Variants in SPATS2L observed in about 807,000 individuals in gnomAD.
The protein encoded by SPATS2L is spermatogenesis associated serine rich 2 like.
Under a neutral mutation model 59.6 loss-of-function variants are expected in SPATS2L, and 30 were observed. The ratio of observed to expected loss-of-function variants is 0.50; its 90% confidence interval spans 0.38 to 0.68. The LOEUF (loss-of-function observed/expected upper bound fraction) is 0.68, where lower values mean the gene tolerates loss of function less well. Ranked by LOEUF, SPATS2L falls within the 30% of genes least tolerant of loss-of-function variation. The probability of loss-of-function intolerance (pLI) is 0.00; values close to 1 mark genes in which losing one functional copy is unlikely to be tolerated. For missense variants in SPATS2L, 615 were observed against 700.0 expected (o/e 0.88, Z 1.37); for synonymous variants, 252 against 263.5 (o/e 0.96, Z 0.42).
Position 200,478,139 on chromosome 2 carries a change from G to C in SPATS2L, c.*108G>C, listed in dbSNP as rs2087682612. ...AATCAGAATATACAAATCCCGTATGGTTGTGTCATCCTCTCTTAATCATTT... is the reference window on the plus strand; with the variant it reads ...AATCAGAATATACAAATCCCGTATGCTTGTGTCATCCTCTCTTAATCATTT... On this transcript the variant is annotated 3_prime_UTR_variant, in exon 13 of 13. Transcript: ENST00000409140. 9.5e-7 allele frequency: 1 copy of C among 1,052,210 alleles called. No homozygotes were observed. The highest frequency in any genetic ancestry group is 1.3e-6 in the Non-Finnish European group (1 of 756,956). The allele number at this position is 1,052,210 out of a possible 1,614,324, so 65.2% of individuals were successfully genotyped here.
intron 9 of SPATS2L, among the ~76,000 whole-genome samples, chr2:200,462,566 A>C (rs141972939): frequency 2.6e-5 from 4 of 152,126 alleles, no homozygotes; most frequent in Non-Finnish European, 5.9e-5. Flanking sequence ...TTCAAGTCCA[A>C]CCTCCATCTC....
intron 2 of SPATS2L, among the ~76,000 whole-genome samples, chr2:200,332,248 C>G (rs945317331): frequency 7.0e-6 from 1 of 142,462 alleles, no homozygotes; most frequent in African/African-American, 2.6e-5. Context: ...AATCTTCAAG[C>G]TTTTTTTTTT....
At chr2:200,372,906 T>C (rs2081475793) in intron 2 of SPATS2L, among the ~76,000 whole-genome samples, 2 of 152,296 alleles carry the variant, frequency 1.3e-5, no homozygotes, top group South Asian at 4.1e-4. Flanking sequence ...TTGTTTGGTT[T>C]GTTCACTGCT....
At chr2:200,389,319 C>G (rs1305198482) in intron 3 of SPATS2L, 36 bp downstream of exon 3, 5 of 1,470,198 alleles carry the variant, frequency 3.4e-6, no homozygotes, top group Non-Finnish European at 4.7e-6. Flanking sequence ...ACAGAAACTC[C>G]AAACTAGGTA....
upstream of SPATS2L, chr2:200,306,222 T>C (rs925063240): frequency 2.3e-4 from 226 of 1,002,250 alleles, no homozygotes; most frequent in Middle Eastern, 8.5e-4. Flanking sequence ...CAGAAAGCAT[T>C]ACTACCTTCT....
intron 12 of SPATS2L, among the ~76,000 whole-genome samples, chr2:200,476,523 C>T (rs2087529889): frequency 6.6e-6 from 1 of 152,234 alleles, no homozygotes; most frequent in Admixed American, 6.5e-5. Context: ...ACAGGGGTGC[C>T]TCACTTTCTC....
intron 7 of SPATS2L, 32 bp from the exon 8 acceptor site, chr2:200,440,617 A>C (rs757736783): frequency 6.3e-7 from 1 of 1,599,994 alleles, no homozygotes; most frequent in East Asian, 2.2e-5. Context: ...TTAAATGCTC[A>C]AGTTAATAAT....
intron 2 of SPATS2L, among the ~76,000 whole-genome samples, chr2:200,379,074 AAT>A (rs1257163738): frequency 6.6e-6 from 1 of 152,124 alleles, no homozygotes; most frequent in Non-Finnish European, 1.5e-5. Context: ...TTCCAACTCT[AAT>A]TCTTCCAGTT....
chr2:200,380,614 C>A lies in SPATS2L; in HGVS notation c.-22-8609C>A, dbSNP rs192355678. On this transcript the variant is annotated intron_variant, in intron 2 of 12. Transcript: ENST00000409140. ...ATAAAACATTCAATTTTCTTTCTTC[C>A]CCCCACAAAGAACTTAGTAGGCAGT... Among the ~76,000 whole-genome samples the A allele has an allele frequency of 1.2e-3, 186 of 152,276 alleles. No homozygotes were observed. In the Middle Eastern group the frequency reaches 0.031, roughly 25 times the overall value.
chr2:200,474,625 A>G (rs1424926862), intron 12 of SPATS2L, among the ~76,000 whole-genome samples: 1 of 152,166 alleles, frequency 6.6e-6, no homozygotes, highest in African/African-American at 2.4e-5. Context: ...ATTAAATACC[A>G]TGCTGATAAT....
chr2:200,448,938 C>G (rs563399281), intron 8 of SPATS2L, among the ~76,000 whole-genome samples: 1 of 152,276 alleles, frequency 6.6e-6, no homozygotes, highest in African/African-American at 2.4e-5. Flanking sequence ...ACTCCTTTTC[C>G]TCACTCTGCA....
intron 3 of SPATS2L, among the ~76,000 whole-genome samples, chr2:200,407,911 A>G (rs2082742412): frequency 6.6e-6 from 1 of 152,178 alleles, no homozygotes; most frequent in Non-Finnish European, 1.5e-5. Flanking sequence ...CTCACTCAAC[A>G]AATATGTATT....
Position 200,481,696 on chromosome 2 carries a change from T to A in SPATS2L, c.*3665T>A, listed in dbSNP as rs1022805883. On this transcript the variant is annotated 3_prime_UTR_variant, in exon 13 of 13. Coordinates refer to ENST00000409140, the MANE Select transcript of SPATS2L (RefSeq NM_001100423.2). ...GCACCCTTTTTTGCTGTACGCGTTT[T>A]TTGAGATGGAGTCTCGCTCTGTCGC... is the stretch of plus-strand genomic sequence containing the variant. 16 of 152,452 alleles carry A rather than the reference T, an allele frequency of 1.0e-4. No individual in the cohort carries two copies. The highest frequency in any genetic ancestry group is 1.0e-3 in the Admixed American group (16 of 15,286). 9.4% of individuals were successfully genotyped at this position (152,452 alleles called of 1,614,324 possible).
intron 2 of SPATS2L, 32 bp from the exon 3 acceptor site, chr2:200,389,191 T>C (rs1349226045): frequency 1.4e-6 from 2 of 1,444,914 alleles, no homozygotes; most frequent in African/African-American, 1.4e-5. Flanking sequence ...GAAATCAATT[T>C]TAAAACTTAA....
chr2:200,472,725 T>C, intron 11 of SPATS2L, 107 bp from the exon 12 acceptor site: 1 of 950,710 alleles, frequency 1.1e-6, no homozygotes, highest in East Asian at 2.4e-5. Flanking sequence ...TTAATGTTTT[T>C]GTGGAGCTCC....
intron 1 of SPATS2L, among the ~76,000 whole-genome samples, chr2:200,307,764 C>T (rs1480228851): frequency 1.3e-5 from 2 of 152,242 alleles, no homozygotes; most frequent in South Asian, 2.1e-4. Flanking sequence ...GTTTCGTGTT[C>T]CCGCGGGGTT....
intron 2 of SPATS2L, among the ~76,000 whole-genome samples, chr2:200,333,661 C>T (rs1574421679): frequency 6.6e-6 from 1 of 151,988 alleles, no homozygotes; most frequent in Non-Finnish European, 1.5e-5. Flanking sequence ...GCTCCCCCCA[C>T]CCCATGATGG....
chr2:200,407,376 CAA>C (rs557617067), intron 3 of SPATS2L, among the ~76,000 whole-genome samples: 8 of 152,332 alleles, frequency 5.3e-5, no homozygotes, highest in Non-Finnish European at 8.8e-5. Flanking sequence ...CCTTACTCAG[CAA>C]AGTTAATTCC....
chr2:200,441,174 T>C (rs898034156), intron 8 of SPATS2L, among the ~76,000 whole-genome samples: 3 of 152,186 alleles, frequency 2.0e-5, no homozygotes, highest in Non-Finnish European at 4.4e-5. Context: ...AAGAATTCCC[T>C]TAACGAAATT....
Sources: gnomAD v4.1 joint callset for allele counts (sites outside exome capture counted in the v4.1 genomes callset) on GRCh38, gnomAD v4.1.1 for gene constraint, MANE v1.5 for transcripts, NCBI Gene and HGNC (gene_info 2026-07-23, HGNC 2026-07-21) for gene names.